FNIP1: variants seen among roughly 807,000 people sequenced by gnomAD.
FNIP1 encodes the protein folliculin interacting protein 1.
In FNIP1, 40 loss-of-function variants were observed where a neutral mutation model predicts 124.5. The ratio of observed to expected loss-of-function variants is 0.32; its 90% confidence interval spans 0.25 to 0.42. FNIP1 has a LOEUF of 0.42. Among genes scored for constraint, FNIP1 ranks in the 10% least tolerant of loss-of-function variants. The pLI, the probability that FNIP1 is intolerant of heterozygous loss-of-function variation, is 1.00. For synonymous variants in FNIP1, 472 were observed against 470.6 expected, an observed-to-expected ratio of 1.00 and a Z score of -0.04; for missense variants, 1,176 against 1,403.7, an observed-to-expected ratio of 0.84 and a Z score of 2.59.
chr5:131,794,367 G>A (rs1239405729), intron 1 of FNIP1, among the ~76,000 whole-genome samples: 1 of 151,200 alleles, frequency 6.6e-6, no homozygotes, highest in East Asian at 1.9e-4. Flanking sequence ...CATTGCTACT[G>A]AGAATACAAA....
At chr5:131,751,576 A>C (rs1770873623) in intron 1 of FNIP1, among the ~76,000 whole-genome samples, 1 of 152,002 alleles carries the variant, frequency 6.6e-6, no homozygotes, top group Non-Finnish European at 1.5e-5. Context: ...AATCTGAAAA[A>C]AAAAAAAAGA....
At chr5:131,768,217 C>T (rs142764601) in intron 1 of FNIP1, among the ~76,000 whole-genome samples, 1 of 152,212 alleles carries the variant, frequency 6.6e-6, no homozygotes, top group African/African-American at 2.4e-5. Flanking sequence ...AAAAATGGCA[C>T]ATTGGCAAAT....
intron 1 of FNIP1, among the ~76,000 whole-genome samples, chr5:131,760,562 T>C (rs541523034): frequency 3.3e-5 from 5 of 152,258 alleles, no homozygotes; most frequent in African/African-American, 1.2e-4. Context: ...GGTCTTACTA[T>C]AGAGTATACT....
intron 1 of FNIP1, among the ~76,000 whole-genome samples, chr5:131,774,847 G>T (rs1015589767): frequency 1.3e-5 from 2 of 152,176 alleles, no homozygotes; most frequent in Non-Finnish European, 2.9e-5. Context: ...AGAGGAAGGA[G>T]TCTGCAAAGC....
At chr5:131,678,888 A>C in intron 12 of FNIP1, 141 bp downstream of exon 12, 1 of 609,326 alleles carries the variant, frequency 1.6e-6, no homozygotes, top group Non-Finnish European at 2.8e-6. Flanking sequence ...ATACCCTATC[A>C]TTTAATTATT....
chr5:131,795,282 AATAAG>A (rs1341711668), intron 1 of FNIP1, among the ~76,000 whole-genome samples: 5 of 152,230 alleles, frequency 3.3e-5, no homozygotes, highest in African/African-American at 7.2e-5. Context: ...TGAAACATCA[AATAAG>A]ATAACTGATG....
At chr5:131,789,168 G>A (rs1772316080) in intron 1 of FNIP1, among the ~76,000 whole-genome samples, 1 of 152,122 alleles carries the variant, frequency 6.6e-6, no homozygotes, top group Non-Finnish European at 1.5e-5. Flanking sequence ...GGCACAGAAA[G>A]ACAAATACCA....
intron 6 of FNIP1, among the ~76,000 whole-genome samples, chr5:131,711,539 G>A (rs924801448): frequency 6.6e-6 from 1 of 152,136 alleles, no homozygotes; most frequent in Non-Finnish European, 1.5e-5. Context: ...TGTCATGTAG[G>A]CTGGAATGCA....
In FNIP1 at chr5:131,699,001, G is replaced by A; in HGVS notation, c.1118C>T (p.Ala373Val). 1 of 1,605,226 alleles carries A rather than the reference G, an allele frequency of 6.2e-7. No homozygotes were observed. The highest frequency in any genetic ancestry group is 1.7e-5 in the Admixed American group (1 of 57,800). The change falls in exon 11 of 18, where the codon GCT becomes GTT. Residue 373 changes from alanine to valine, a missense_variant and splice_region_variant. This residue lies in a region of FNIP1 where 1,109 missense variants were observed against 1,288.5 expected (regional missense o/e 0.86). Coordinates refer to ENST00000510461, the MANE Select transcript of FNIP1 (RefSeq NM_133372.3). ...MNKLKSAIEQ[A>V]MKMSRRSADA... The stretch of plus-strand genomic sequence containing the variant: ...AGCTGATCTCCGGCTCATTTTCATA[G>A]CCTTGAAAACAATCATTGAGATAGT...
intron 11 of FNIP1, among the ~76,000 whole-genome samples, chr5:131,692,333 G>A (rs187224843): frequency 3.7e-4 from 55 of 147,950 alleles, no homozygotes; most frequent in African/African-American, 1.3e-3. Context: ...CAAAAAACAT[G>A]TATAAATCTG....
intron 1 of FNIP1, among the ~76,000 whole-genome samples, chr5:131,767,733 A>G (rs531158576): frequency 3.0e-4 from 46 of 152,328 alleles, no homozygotes; most frequent in Non-Finnish European, 5.7e-4. Context: ...TCATTTTTCT[A>G]TCTAAGGAAT....
At chr5:131,759,042 G>A (rs889064942) in intron 1 of FNIP1, among the ~76,000 whole-genome samples, 1 of 151,934 alleles carries the variant, frequency 6.6e-6, no homozygotes, top group Non-Finnish European at 1.5e-5. Context: ...AAAAGGTGCT[G>A]GGATAACTGG....
In FNIP1 at chr5:131,703,058, T is replaced by G. The variant is rs114651064; in HGVS notation, c.1116+1007A>C. ...ACACAAGGATGTCCATATGCAAATATAAAATACCCATCTTCCTTTATCAAA... is the reference window on the plus strand; with the variant it reads ...ACACAAGGATGTCCATATGCAAATAGAAAATACCCATCTTCCTTTATCAAA... On this transcript the variant is annotated intron_variant, in intron 10 of 17. Transcript: ENST00000510461. Among the ~76,000 whole-genome samples the G allele has an allele frequency of 5.8e-3, 888 of 152,314 alleles. 9 individuals carry two copies. The highest frequency in any genetic ancestry group is 0.021 in the African/African-American group (861 of 41,564).
chr5:131,671,407 A>C, intron 14 of FNIP1, 98 bp downstream of exon 14: 1 of 999,672 alleles, frequency 1.0e-6, no homozygotes, highest in South Asian at 1.6e-5. Flanking sequence ...GCTATCCAGA[A>C]CAATGATCTC....
At chr5:131,683,834 G>C (rs1325532444) in intron 11 of FNIP1, among the ~76,000 whole-genome samples, 1 of 152,108 alleles carries the variant, frequency 6.6e-6, no homozygotes, top group Non-Finnish European at 1.5e-5. Flanking sequence ...TAGCAACACT[G>C]AACCACTGCC....
intron 11 of FNIP1, among the ~76,000 whole-genome samples, chr5:131,681,207 T>C (rs1216177979): frequency 6.6e-6 from 1 of 152,184 alleles, no homozygotes; most frequent in Non-Finnish European, 1.5e-5. Context: ...ATATAGAGTA[T>C]ATCTTGTAGT....
chr5:131,655,670 A>C (rs2149506511), intron 15 of FNIP1, among the ~76,000 whole-genome samples: 1 of 152,180 alleles, frequency 6.6e-6, no homozygotes, highest in Middle Eastern at 3.4e-3. Flanking sequence ...CTCTCCAATA[A>C]ACAGCATATC....
At chr5:131,700,937 C>T (rs1768880101) in intron 10 of FNIP1, among the ~76,000 whole-genome samples, 1 of 152,174 alleles carries the variant, frequency 6.6e-6, no homozygotes, top group African/African-American at 2.4e-5. Context: ...TGCGATACTA[C>T]AATTGAACAA....
At position 131,764,025 on chromosome 5, in the gene FNIP1, T is replaced by C. The variant is rs528483532; in HGVS notation, c.93-19335A>G. 1.0e-3 allele frequency among the ~76,000 whole-genome samples: 158 copies of C among 152,248 alleles called. 1 individual carries two copies. The highest frequency in any genetic ancestry group is 3.6e-3 in the African/African-American group (151 of 41,558). ...GTTTAGCACCATCCCTTTGATGCTG[T>C]CCTTGCGTGAGAGAGCTCTCTTGAG... On this transcript the variant is annotated intron_variant, in intron 1 of 17. Transcript: ENST00000510461.
Sources: gnomAD v4.1 joint callset for allele counts (sites outside exome capture counted in the v4.1 genomes callset) on GRCh38, gnomAD v4.1.1 for gene constraint, gnomAD v4.1.1 regional missense constraint, MANE v1.5 for transcripts, NCBI Gene and HGNC (gene_info 2026-07-23, HGNC 2026-07-21) for gene names.